The following CNTLN variants were observed in gnomAD, a reference collection of about 807,000 sequenced individuals.
CNTLN encodes centlein, centrosomal protein.
Under a neutral mutation model 180.0 loss-of-function variants are expected in CNTLN, and 212 were observed. The observed-to-expected ratio is 1.18, with a 90% confidence interval of 1.05 to 1.32. The LOEUF (loss-of-function observed/expected upper bound fraction) is 1.32. CNTLN is among the 40% of genes most tolerant of loss of function. The pLI, the probability that CNTLN is intolerant of heterozygous loss-of-function variation, is 0.00. For missense variants in CNTLN, 2,095 were observed against 1,610.9 expected (o/e 1.30, Z -5.14); for synonymous variants, 722 against 563.1 (o/e 1.28, Z -3.99).
chr9:17,445,492 C>G (rs937412858), intron 18 of CNTLN, among the ~76,000 whole-genome samples: 1 of 152,052 alleles, frequency 6.6e-6, no homozygotes, highest in East Asian at 1.9e-4. Context: ...ATAACCTTAC[C>G]CCCAACCCCG....
At chr9:17,233,405 T>C (rs4147023) in intron 3 of CNTLN, among the ~76,000 whole-genome samples, 30,369 of 152,060 alleles carry the variant, frequency 0.2, 3,718 homozygotes, top group African/African-American at 0.34. Flanking sequence ...TTCCTTTAAC[T>C]GTAGTTTCAT....
Position 17,143,301 on chromosome 9 carries a change from TTGTA to T in CNTLN, c.377_380del (p.Val126GlyfsTer37). ...TATTTCTTTAAGGCTGATAAAGAAT[TTGTA>T]TGGTCTTTGTGGAAACGTCTCCAGG... On this transcript the variant is annotated frameshift_variant, in exon 2 of 26. Coordinates refer to ENST00000380647, the MANE Select transcript of CNTLN (RefSeq NM_017738.4). LOFTEE classifies it high-confidence loss of function. 1 of 1,612,726 alleles carries T rather than the reference TTGTA, an allele frequency of 6.2e-7. No individual in the cohort carries two copies. Among genetic ancestry groups the T allele is most frequent in the Non-Finnish European group, 8.5e-7 (1 of 1,179,180 alleles).
chr9:17,205,980 G>T (rs1397303204), intron 2 of CNTLN, among the ~76,000 whole-genome samples: 1 of 151,916 alleles, frequency 6.6e-6, no homozygotes, highest in Non-Finnish European at 1.5e-5. Flanking sequence ...TAATTAATGA[G>T]AATAACCTGT....
chr9:17,486,280 C>T (rs569881807), intron 24 of CNTLN, among the ~76,000 whole-genome samples: 1 of 118,198 alleles, frequency 8.5e-6, no homozygotes, highest in South Asian at 3.7e-4. Flanking sequence ...TAGCATGATG[C>T]CTGCCATACA....
chr9:17,166,719 TA>T (rs1820093183), intron 2 of CNTLN: 1 of 264,956 alleles, frequency 3.8e-6, no homozygotes, highest in South Asian at 4.0e-5. Context: ...GTTTTCAACC[TA>T]AAATTCTATA....
At chr9:17,499,643 A>G (rs1475376757) in intron 25 of CNTLN, among the ~76,000 whole-genome samples, 1 of 152,150 alleles carries the variant, frequency 6.6e-6, no homozygotes, top group Non-Finnish European at 1.5e-5. Context: ...GTTACTTTAA[A>G]TTGTTGCATT....
At chr9:17,303,862 C>G (rs3824394) in intron 7 of CNTLN, among the ~76,000 whole-genome samples, 5,756 of 152,144 alleles carry the variant, frequency 0.038, 170 homozygotes, top group East Asian at 0.18. Flanking sequence ...AGCTCTAAGA[C>G]TCAGGTGAGT....
intron 13 of CNTLN, among the ~76,000 whole-genome samples, chr9:17,378,547 A>G (rs1445991396): frequency 6.6e-6 from 1 of 151,976 alleles, no homozygotes; most frequent in Admixed American, 6.5e-5. Context: ...GTTGTTTTCA[A>G]TTTATTGTCT....
chr9:17,504,670 A>T (rs1156701831), downstream of CNTLN, among the ~76,000 whole-genome samples: 1 of 152,182 alleles, frequency 6.6e-6, no homozygotes, highest in Non-Finnish European at 1.5e-5. Flanking sequence ...GAGAGAGAGA[A>T]TAATGTTACC....
At chr9:17,419,877 T>G (rs116353129) in intron 18 of CNTLN, among the ~76,000 whole-genome samples, 6 of 152,196 alleles carry the variant, frequency 3.9e-5, no homozygotes, top group Non-Finnish European at 7.4e-5. Flanking sequence ...CATATGTACA[T>G]TGATAAATAA....
chr9:17,523,878 A>G, the CNTLN span, among the ~76,000 whole-genome samples: 1 of 152,220 alleles, frequency 6.6e-6, no homozygotes, highest in African/African-American at 2.4e-5. Flanking sequence ...TCAGTTGAAC[A>G]TATTCCTCCA....
rs551537297 is a variant in CNTLN, at chr9:17,248,100, A to G, written c.849+11512A>G. On this transcript the variant is annotated intron_variant, in intron 5 of 25. Transcript: ENST00000380647. ...CAACCTCCCAAAATGTTGGGATTAC[A>G]TAGGCGTGAGCCACTGCACCCAGCC... Among the ~76,000 whole-genome samples the G allele has an allele frequency of 5.3e-5, 8 of 152,208 alleles. No individual in the cohort carries two copies. The South Asian group carries it at 1.0e-3, about 20-fold the overall frequency.
chr9:17,272,607 G>T (rs1027172379), intron 5 of CNTLN, among the ~76,000 whole-genome samples: 2 of 152,164 alleles, frequency 1.3e-5, no homozygotes, highest in Non-Finnish European at 2.9e-5. Flanking sequence ...GCAGAAATCA[G>T]ATTGAATCTT....
chr9:17,313,116 T>C (rs1819321576), intron 8 of CNTLN, among the ~76,000 whole-genome samples: 1 of 152,216 alleles, frequency 6.6e-6, no homozygotes, highest in Non-Finnish European at 1.5e-5. Flanking sequence ...TGTACCTTTA[T>C]GATGTCAGTA....
chr9:17,312,342 T>TTTATATATATATATATATATA (rs1427127877), intron 8 of CNTLN, among the ~76,000 whole-genome samples: 9 of 11,564 alleles, frequency 7.8e-4, no homozygotes, highest in Non-Finnish European at 2.2e-3. Context: ...GATTACTGTA[T>TTTATATATATATATATATATA]TTATATATAT....
intron 25 of CNTLN, among the ~76,000 whole-genome samples, chr9:17,496,387 C>A (rs1833457215): frequency 6.6e-6 from 1 of 151,384 alleles, no homozygotes; most frequent in Non-Finnish European, 1.5e-5. Flanking sequence ...AGATCTTGGT[C>A]TTCTCATTGT....
chr9:17,351,909 C>G (rs1822397028), intron 12 of CNTLN, among the ~76,000 whole-genome samples: 2 of 152,076 alleles, frequency 1.3e-5, no homozygotes, highest in Non-Finnish European at 1.5e-5. Flanking sequence ...ACAATTTCTG[C>G]TTTCCCTTTT....
At chr9:17,235,932 C>T in intron 4 of CNTLN, 140 bp downstream of exon 4, 2 of 687,534 alleles carry the variant, frequency 2.9e-6, no homozygotes, top group Admixed American at 6.4e-5. Context: ...AGTTTTCTCA[C>T]ATGCAAAAAC....
chr9:17,264,071 G>T (rs76570805), intron 5 of CNTLN, among the ~76,000 whole-genome samples: 2,141 of 142,300 alleles, frequency 0.015, 79 homozygotes, highest in African/African-American at 0.034. Context: ...GTCAATTTTG[G>T]CTTTCGTTGC....
Sources: gnomAD v4.1 joint callset for allele counts (sites outside exome capture counted in the v4.1 genomes callset) on GRCh38, gnomAD v4.1.1 for gene constraint, MANE v1.5 for transcripts, NCBI Gene and HGNC (gene_info 2026-07-23, HGNC 2026-07-21) for gene names.